Variants in MAP4 observed in about 807,000 individuals in gnomAD.
MAP4 encodes the protein microtubule-associated protein 4.
MAP4 carries 76 observed loss-of-function variants against 170.2 expected under a neutral mutation model. The observed-to-expected ratio is 0.45, with a 90% CI of 0.37 to 0.54. The LOEUF (loss-of-function observed/expected upper bound fraction) is 0.54, where lower values mean the gene tolerates loss of function less well. Ranked by LOEUF, MAP4 falls within the 20% of genes least tolerant of loss-of-function variation. The probability of loss-of-function intolerance (pLI) is 0.00; values close to 1 mark genes in which losing one functional copy is unlikely to be tolerated. For missense variants in MAP4, 2,506 were observed against 2,748.0 expected (o/e 0.91, Z 1.97); for synonymous variants, 909 against 994.5 (o/e 0.91, Z 1.62).
chr3:47,863,261 C>A (rs745856319), intron 17 of MAP4, among the ~76,000 whole-genome samples: 2 of 152,216 alleles, frequency 1.3e-5, no homozygotes, highest in African/African-American at 4.8e-5. Context: ...CAGGCATGAG[C>A]CGCTGTGCCC....
intron 1 of MAP4, among the ~76,000 whole-genome samples, chr3:48,023,341 T>G (rs1456251458): frequency 1.3e-5 from 2 of 152,094 alleles, no homozygotes; most frequent in South Asian, 4.1e-4. Context: ...ATAAGATGGA[T>G]CCATAAAGAA....
intron 17 of MAP4, among the ~76,000 whole-genome samples, chr3:47,866,571 T>C (rs573074883): frequency 2.4e-4 from 37 of 151,238 alleles, no homozygotes; most frequent in African/African-American, 7.8e-4. Flanking sequence ...CTGGCCAACA[T>C]AGTGAAATCC....
Position 47,893,133 on chromosome 3 carries a change from G to A in MAP4, c.5434+9817C>T, listed in dbSNP as rs1559938582. On this transcript the variant is annotated intron_variant, in intron 10 of 20. Transcript: ENST00000683076. Reference sequence around the variant, plus strand: ...TCATAGCAACTTATCAAACTAACTTGAAAACTGACTTGAGTGGGGTCCCCA... The same window carrying A: ...TCATAGCAACTTATCAAACTAACTTAAAAACTGACTTGAGTGGGGTCCCCA... Among the ~76,000 whole-genome samples, 3 of 151,786 alleles carry A rather than the reference G, an allele frequency of 2.0e-5. No individual in the cohort carries two copies. The East Asian group carries it at 5.8e-4, about 29-fold the overall frequency.
At chr3:48,072,730 T>G (rs1467463718) in intron 1 of MAP4, among the ~76,000 whole-genome samples, 1 of 152,158 alleles carries the variant, frequency 6.6e-6, no homozygotes, top group Non-Finnish European at 1.5e-5. Flanking sequence ...GGAAGCATTT[T>G]ATAATAGGTA....
At chr3:47,930,770 C>CA (rs898997912) in intron 3 of MAP4, among the ~76,000 whole-genome samples, 2 of 149,130 alleles carry the variant, frequency 1.3e-5, no homozygotes, top group Non-Finnish European at 3.0e-5. Flanking sequence ...ACTACAAATA[C>CA]AAAAAAAAAT....
chr3:48,082,545 C>T (rs2100147121), intron 1 of MAP4, among the ~76,000 whole-genome samples: 1 of 152,216 alleles, frequency 6.6e-6, no homozygotes, highest in African/African-American at 2.4e-5. Context: ...CTCATGCCTG[C>T]TATCCTAGCA....
chr3:48,050,540 G>C (rs373442760), intron 1 of MAP4, among the ~76,000 whole-genome samples: 2 of 151,372 alleles, frequency 1.3e-5, no homozygotes, highest in African/African-American at 2.4e-5. Flanking sequence ...AGAAAGATTC[G>C]GTTTTCATTT....
intron 3 of MAP4, among the ~76,000 whole-genome samples, chr3:47,933,691 C>A (rs1486218582): frequency 6.6e-6 from 1 of 151,566 alleles, no homozygotes; most frequent in African/African-American, 2.4e-5. Flanking sequence ...AGATCCGCCT[C>A]CCAGATTCAC....
chr3:47,929,903 C>A (rs940714638), intron 3 of MAP4, among the ~76,000 whole-genome samples: 2 of 149,492 alleles, frequency 1.3e-5, no homozygotes, highest in African/African-American at 4.9e-5. Flanking sequence ...CCGAGGCAGG[C>A]GGATCACCTG....
At chr3:48,058,225 A>G (rs1012128146) in intron 1 of MAP4, among the ~76,000 whole-genome samples, 1 of 152,250 alleles carries the variant, frequency 6.6e-6, no homozygotes, top group African/African-American at 2.4e-5. Flanking sequence ...ACTCAGTCCT[A>G]GACTACAATG....
At chr3:47,980,515 T>C (rs902565221) in intron 2 of MAP4, among the ~76,000 whole-genome samples, 1 of 152,166 alleles carries the variant, frequency 6.6e-6, no homozygotes, top group African/African-American at 2.4e-5. Flanking sequence ...ACAAGCTTCT[T>C]GTTGAAAAGA....
chr3:47,862,568 C>T (rs1191224812), intron 17 of MAP4, among the ~76,000 whole-genome samples: 1 of 152,010 alleles, frequency 6.6e-6, no homozygotes, highest in Non-Finnish European at 1.5e-5. Flanking sequence ...ACCTCTGCCT[C>T]CCGGGTTCAA....
At chr3:48,027,176 T>C (rs1325644730) in intron 1 of MAP4, among the ~76,000 whole-genome samples, 1 of 152,250 alleles carries the variant, frequency 6.6e-6, no homozygotes, top group African/African-American at 2.4e-5. Flanking sequence ...AAATGGTCAT[T>C]GTTTCACAGC....
chr3:47,890,405 T>C (rs1271546582), intron 10 of MAP4, among the ~76,000 whole-genome samples: 1 of 152,166 alleles, frequency 6.6e-6, no homozygotes, highest in Non-Finnish European at 1.5e-5. Flanking sequence ...AGAAGCAAGA[T>C]TGGGTCAAAC....
At position 47,909,226 on chromosome 3, in the gene MAP4, T is replaced by C. The variant is rs759187585; in HGVS notation, c.5195A>G (p.Glu1732Gly). The C allele has an allele frequency of 6.2e-7, 1 of 1,613,758 alleles. No individual in the cohort carries two copies. Among genetic ancestry groups the C allele is most frequent in the South Asian group, 1.1e-5 (1 of 91,078 alleles). Residue 1732 changes from glutamate to glycine, a missense_variant, in exon 9 of 21, where the codon GAG becomes GGG. Physicochemically the swap from Glu to Gly is moderately conservative, Grantham distance 98 (BLOSUM62 -2). This residue lies in a region of MAP4 where 2,008 missense variants were observed against 2,206.0 expected (regional missense o/e 0.91). Transcript: ENST00000683076. ...TTTTTCTGTCATTTTCTGAGGTGTC[T>C]CCAAAATCTTATCTTTGGGTTCTGG... ...RLPEPKDKIL[E>G]TPQKMTEKSE...
intron 1 of MAP4, among the ~76,000 whole-genome samples, chr3:48,044,739 C>G (rs2100123504): frequency 6.6e-6 from 1 of 151,222 alleles, no homozygotes; most frequent in South Asian, 2.1e-4. Context: ...CCACTGTACT[C>G]CAGCCTAAGT....
chr3:47,954,359 T>C (rs1342726439), intron 3 of MAP4, among the ~76,000 whole-genome samples: 1 of 152,146 alleles, frequency 6.6e-6, no homozygotes, highest in African/African-American at 2.4e-5. Flanking sequence ...ACAGTAAAGT[T>C]GTACTGGTAA....
rs1032602317 is a variant in MAP4 at position 48,052,853 on chromosome 3, A to G, written c.-20+35920T>C. Among the ~76,000 whole-genome samples the G allele has an allele frequency of 2.6e-5, 4 of 152,312 alleles. No individual in the cohort carries two copies. The East Asian group carries it at 7.7e-4, about 29-fold the overall frequency. ...AAATGAGCTTGCTGTGCACTACCCA[A>G]TGGTTAACTGCTTGGAAAAATATGG... is the stretch of plus-strand genomic sequence containing the variant. On this transcript the variant is annotated intron_variant, in intron 1 of 18. Transcript: ENST00000360240.
chr3:47,874,597 C>G (rs1045734973), intron 12 of MAP4, among the ~76,000 whole-genome samples: 6 of 152,206 alleles, frequency 3.9e-5, no homozygotes, highest in Non-Finnish European at 8.8e-5. Flanking sequence ...TGTCACCCCC[C>G]AGAAGCCGCT....
Sources: gnomAD v4.1 joint callset for allele counts (sites outside exome capture counted in the v4.1 genomes callset) on GRCh38, gnomAD v4.1.1 for gene constraint, gnomAD v4.1.1 regional missense constraint, MANE v1.5 for transcripts, NCBI Gene and HGNC (gene_info 2026-07-23, HGNC 2026-07-21) for gene names.